Variants in OCA2 observed in about 807,000 individuals in gnomAD.
OCA2 encodes P protein.
In OCA2, 77 loss-of-function variants were observed where a neutral mutation model predicts 100.2. The ratio of observed to expected loss-of-function variants is 0.77; its 90% CI spans 0.64 to 0.93. The LOEUF (loss-of-function observed/expected upper bound fraction) is 0.93. Ranked by LOEUF, OCA2 falls within the 40% of genes least tolerant of loss-of-function variation. The pLI is 0.00. For synonymous variants in OCA2, 432 were observed against 439.2 expected, an observed-to-expected ratio of 0.98 and a Z score of 0.21; for missense variants, 1,062 against 1,089.1, an observed-to-expected ratio of 0.98 and a Z score of 0.35.
At chr15:27,731,550 C>T in the OCA2 span, among the ~76,000 whole-genome samples, 1 of 152,158 alleles carries the variant, frequency 6.6e-6, no homozygotes, top group Admixed American at 6.5e-5. Flanking sequence ...TAATGTTAAG[C>T]TATTTGTAGA....
chr15:28,022,515 G>A lies in OCA2; in HGVS notation c.632C>T (p.Pro211Leu), dbSNP rs190612616. The change falls in exon 6 of 24, where the codon CCG becomes CTG. Residue 211 changes from proline to leucine, a missense_variant. Physicochemically the swap from Pro to Leu is moderately conservative, Grantham distance 98. Coordinates refer to ENST00000354638, the MANE Select transcript of OCA2 (RefSeq NM_000275.3). ...ATTTTGGATACAGTAGTTCTCCAGCGGTGATAAGGCCAACAGCTGCCAGAG... is the reference window on the plus strand; with the variant it reads ...ATTTTGGATACAGTAGTTCTCCAGCAGTGATAAGGCCAACAGCTGCCAGAG... Reference protein sequence around the residue: ...GKLWQLLALSPLENYSVNLSS... With the variant: ...GKLWQLLALSLLENYSVNLSS... The A allele has an allele frequency of 7.7e-5, 125 of 1,613,010 alleles. No homozygotes were observed. Among genetic ancestry groups the A allele is most frequent in the Admixed American group, 4.2e-4 (25 of 60,022 alleles).
chr15:27,761,278 T>C (rs1316871675), intron 23 of OCA2, among the ~76,000 whole-genome samples: 1 of 152,130 alleles, frequency 6.6e-6, no homozygotes, highest in African/African-American at 2.4e-5. Context: ...TCAAACCTTA[T>C]TTTTTCCTAT....
At chr15:27,759,760 A>C (rs2030682797) in intron 23 of OCA2, among the ~76,000 whole-genome samples, 1 of 152,150 alleles carries the variant, frequency 6.6e-6, no homozygotes, top group Admixed American at 6.5e-5. Context: ...ATCCACTATT[A>C]TAGATGGAGA....
rs1038292457 is a variant in OCA2, at chr15:27,866,293, C to T, written c.2244+4861G>A. Among the ~76,000 whole-genome samples the T allele has an allele frequency of 2.6e-5, 4 of 152,134 alleles. No homozygotes were observed. In the South Asian group the frequency reaches 8.3e-4, roughly 32 times the overall value. On this transcript the variant is annotated intron_variant, in intron 21 of 23. Transcript: ENST00000354638. ...ACTGTCAAAGGCACAAGAGCCCCAGCGTCGTGCTGAAGAGGTGGCACCACA... is the reference window on the plus strand; with the variant it reads ...ACTGTCAAAGGCACAAGAGCCCCAGTGTCGTGCTGAAGAGGTGGCACCACA...
intron 19 of OCA2, among the ~76,000 whole-genome samples, chr15:27,907,533 T>G (rs1336500973): frequency 6.6e-6 from 1 of 151,986 alleles, no homozygotes; most frequent in African/African-American, 2.4e-5. Context: ...ACATGGAGAA[T>G]ATAAAAACAG....
At chr15:27,765,216 C>G (rs1382357306) in intron 23 of OCA2, among the ~76,000 whole-genome samples, 1 of 152,104 alleles carries the variant, frequency 6.6e-6, no homozygotes, top group Non-Finnish European at 1.5e-5. Context: ...ACATCAAAAG[C>G]TGAGAGAGCC....
At chr15:27,959,869 G>A (rs2040353100) in intron 15 of OCA2, among the ~76,000 whole-genome samples, 1 of 152,168 alleles carries the variant, frequency 6.6e-6, no homozygotes, top group South Asian at 2.1e-4. Context: ...TTAATACTCA[G>A]GTAGTACACT....
In OCA2 at chr15:28,056,894, G is replaced by C. The variant is rs962112646; in HGVS notation, c.228-24731C>G. Among the ~76,000 whole-genome samples the C allele has an allele frequency of 2.6e-5, 4 of 152,250 alleles. No homozygotes were observed. The South Asian group carries it at 6.2e-4, about 24-fold the overall frequency. On this transcript the variant is annotated intron_variant, in intron 2 of 23. Coordinates refer to ENST00000354638, the MANE Select transcript of OCA2 (RefSeq NM_000275.3). ...GCAACGAGGACAGGGACATAGGCCA[G>C]TGGGGTGGCCCCTGCCCCAGCTGCC...
intron 19 of OCA2, among the ~76,000 whole-genome samples, chr15:27,878,357 C>G (rs2036874977): frequency 6.6e-6 from 1 of 152,118 alleles, no homozygotes; most frequent in African/African-American, 2.4e-5. Flanking sequence ...TTGCTTCATC[C>G]TGCAGAAATT....
At chr15:27,743,493 T>C in the OCA2 span, among the ~76,000 whole-genome samples, 4 of 152,124 alleles carry the variant, frequency 2.6e-5, no homozygotes, top group South Asian at 8.3e-4. Flanking sequence ...TCTGGTGGAA[T>C]TTTGCTCCTG....
In OCA2 at chr15:28,025,053, T is replaced by C. The variant is rs529237595; in HGVS notation, c.516-151A>G. 85 of 765,892 alleles carry C rather than the reference T, an allele frequency of 1.1e-4. No homozygotes were observed. In the African/African-American group the frequency reaches 1.2e-3, roughly 11 times the overall value. 47.4% of individuals were successfully genotyped at this position (765,892 alleles called of 1,614,324 possible). A position where few individuals can be genotyped will look rare whatever the true frequency, so the allele number is the denominator to read the frequency against. ...TGATATGAGGGAGAACACCCTCATA[T>C]CAGTGACCAGTAAACCCACAGCCCC... On this transcript the variant is annotated intron_variant, in intron 4 of 23. Transcript: ENST00000354638.
At chr15:27,876,698 C>T (rs1471969737) in intron 19 of OCA2, among the ~76,000 whole-genome samples, 1 of 151,826 alleles carries the variant, frequency 6.6e-6, no homozygotes, top group African/African-American at 2.4e-5. Flanking sequence ...TATTCCATTT[C>T]ATGTAGGTTG....
intron 19 of OCA2, among the ~76,000 whole-genome samples, chr15:27,916,452 T>G (rs1247929655): frequency 2.0e-5 from 3 of 152,132 alleles, no homozygotes; most frequent in Admixed American, 2.0e-4. Context: ...ACTCCCTATA[T>G]CCAAGAATCA....
At chr15:27,839,909 A>G (rs1314104955) in intron 23 of OCA2, among the ~76,000 whole-genome samples, 1 of 152,212 alleles carries the variant, frequency 6.6e-6, no homozygotes, top group South Asian at 2.1e-4. Flanking sequence ...CCATCAAAAT[A>G]GAAATTAATA....
intron 2 of OCA2, among the ~76,000 whole-genome samples, chr15:28,079,061 G>C (rs1408363466): frequency 6.6e-6 from 1 of 152,164 alleles, no homozygotes; most frequent in East Asian, 1.9e-4. Flanking sequence ...ATGATTCCCT[G>C]AGAGCTAAAA....
intron 3 of OCA2, among the ~76,000 whole-genome samples, chr15:28,031,772 C>T (rs2042912539): frequency 6.6e-6 from 1 of 152,194 alleles, no homozygotes; most frequent in Non-Finnish European, 1.5e-5. Flanking sequence ...ATGCCAACCT[C>T]ACCCCTAGCT....
At chr15:27,885,407 A>T (rs1209558740) in intron 19 of OCA2, among the ~76,000 whole-genome samples, 20 of 152,186 alleles carry the variant, frequency 1.3e-4, no homozygotes, top group Admixed American at 1.3e-3. Context: ...TTCACACCCA[A>T]AGGAGGAAAT....
At chr15:28,092,945 A>G (rs2044895247) in intron 1 of OCA2, among the ~76,000 whole-genome samples, 1 of 152,168 alleles carries the variant, frequency 6.6e-6, no homozygotes, top group Non-Finnish European at 1.5e-5. Flanking sequence ...AGACAAGGCA[A>G]GAATGTTCCC....
At chr15:27,830,218 A>C (rs1232604705) in intron 23 of OCA2, among the ~76,000 whole-genome samples, 1 of 152,196 alleles carries the variant, frequency 6.6e-6, no homozygotes, top group Non-Finnish European at 1.5e-5. Context: ...TGGCCCACCA[A>C]CATACTCAAA....
Sources: gnomAD v4.1 joint callset for allele counts (sites outside exome capture counted in the v4.1 genomes callset) on GRCh38, gnomAD v4.1.1 for gene constraint, MANE v1.5 for transcripts, NCBI Gene and HGNC (gene_info 2026-07-23, HGNC 2026-07-21) for gene names.